Variants in PINLYP observed in about 807,000 individuals in gnomAD.
PINLYP encodes phospholipase A2 inhibitor and LY6/PLAUR domain containing, also known as phospholipase A2 inhibitor and Ly6/PLAUR domain-containing protein.
Under a neutral mutation model 15.8 loss-of-function variants are expected in PINLYP, and 12 were observed. The ratio of observed to expected loss-of-function variants is 0.76; its 90% CI spans 0.49 to 1.23. PINLYP has a LOEUF of 1.23. PINLYP is among the 50% of genes most tolerant of loss of function. The pLI is 0.00. For synonymous variants in PINLYP, 93 were observed against 97.7 expected, an observed-to-expected ratio of 0.95 and a Z score of 0.28; for missense variants, 278 against 264.2, an observed-to-expected ratio of 1.05 and a Z score of -0.36.
intron 3 of PINLYP, chr19:43,580,816 G>A (rs1197710160): frequency 2.4e-5 from 14 of 592,676 alleles, no homozygotes; most frequent in East Asian, 1.3e-4. Context: ...AGACCGCCCC[G>A]GCCGGGCTGG....
upstream of PINLYP, chr19:43,575,531 A>G: frequency 7.6e-6 from 10 of 1,323,240 alleles, no homozygotes; most frequent in Admixed American, 1.8e-5. Flanking sequence ...GGAGAGTGGG[A>G]GGGGGCGGGG....
chr19:43,578,647 T>G (rs7247657), exon 3 of PINLYP: 1 of 1,535,906 alleles, frequency 6.5e-7, no homozygotes, highest in Non-Finnish European at 8.7e-7. Context: ...CATGGCCAAA[T>G]GAAGACCTGC....
chr19:43,581,199 C>T lies in PINLYP; in HGVS notation c.188-13C>T, dbSNP rs1434250933. On this transcript the variant is annotated splice_polypyrimidine_tract_variant and intron_variant, in intron 3 of 5. Coordinates refer to ENST00000599207, the Ensembl canonical transcript of PINLYP. ...GTCAGCCAGCACTGTCCCTGCCTGT[C>T]CCCATCCCACAGAGGGCAAGGAGTT... The T allele has an allele frequency of 2.0e-6, 3 of 1,536,138 alleles. No homozygotes were observed. Among genetic ancestry groups the T allele is most frequent in the Admixed American group, 2.0e-5 (1 of 50,930 alleles).
chr19:43,577,670 AG>A (rs1972883168), intron 2 of PINLYP, among the ~76,000 whole-genome samples: 2 of 152,002 alleles, frequency 1.3e-5, no homozygotes, highest in Non-Finnish European at 1.5e-5. Context: ...TAAGAGGCCG[AG>A]GCAGGTGGAT....
At chr19:43,581,802 G>A in intron 5 of PINLYP, 66 bp from the exon 6 acceptor site, 1 of 1,534,120 alleles carries the variant, frequency 6.5e-7, no homozygotes, top group South Asian at 1.2e-5. Context: ...GGGTGAGGAT[G>A]TGTTCTGGGA....
At chr19:43,578,358 C>T (rs1389613121) in intron 2 of PINLYP, among the ~76,000 whole-genome samples, 1 of 152,198 alleles carries the variant, frequency 6.6e-6, no homozygotes, top group African/African-American at 2.4e-5. Context: ...ATTAGGCAAA[C>T]AGGCTTCATG....
chr19:43,581,496 G>A (rs908049740), intron 4 of PINLYP, 67 bp from the exon 5 acceptor site: 1 of 1,509,802 alleles, frequency 6.6e-7, no homozygotes, highest in South Asian at 1.3e-5. Flanking sequence ...GTTTCCCGGG[G>A]TTGTTGGGAG....
chr19:43,578,544 A>G, intron 2 of PINLYP, 46 bp from the exon 3 acceptor site: 1 of 1,424,526 alleles, frequency 7.0e-7, no homozygotes, highest in East Asian at 2.5e-5. Context: ...TGGTCCGAAG[A>G]CCACACCACC....
chr19:43,576,135 T>C (rs1417498213), exon 1 of PINLYP: 1 of 152,110 alleles, frequency 6.6e-6, no homozygotes, highest in East Asian at 1.9e-4. Context: ...CCCAGACTGG[T>C]CTCGAACTCC....
chr19:43,579,376 G>C (rs1204804389), intron 3 of PINLYP, among the ~76,000 whole-genome samples: 1 of 151,914 alleles, frequency 6.6e-6, no homozygotes, highest in East Asian at 2.0e-4. Flanking sequence ...CTCCCGAGTA[G>C]CTGGAATTAC....
exon 1 of PINLYP, chr19:43,576,752 C>T: frequency 5.5e-6 from 1 of 180,618 alleles, no homozygotes; most frequent in Non-Finnish European, 1.2e-5. Flanking sequence ...CCTGGACATG[C>T]TGGGTGCTCC....
intron 4 of PINLYP, 47 bp downstream of exon 4, chr19:43,581,411 CCTTGCTGTAGCCA>C: frequency 1.3e-6 from 2 of 1,532,780 alleles, no homozygotes; most frequent in South Asian, 2.4e-5. Flanking sequence ...CTCCACTGAC[CCTTGCTGTAGCCA>C]CTTGCTGGCT....
chr19:43,581,270 C>T (rs1166859635), exon 4 of PINLYP: 12 of 1,537,096 alleles, frequency 7.8e-6, no homozygotes, highest in East Asian at 7.3e-5. Context: ...ACTGCTACTC[C>T]GGCGTTATAT....
chr19:43,578,125 C>G (rs1972887558), intron 2 of PINLYP, among the ~76,000 whole-genome samples: 1 of 152,106 alleles, frequency 6.6e-6, no homozygotes, highest in South Asian at 2.1e-4. Context: ...CTGGTCCTCA[C>G]TCTCCCTCCT....
chr19:43,576,865 C>G, exon 1 of PINLYP: 1 of 321,486 alleles, frequency 3.1e-6, no homozygotes, highest in East Asian at 5.8e-5. Context: ...ATCAAGAGGC[C>G]CAACTCCGTC....
intron 1 of PINLYP, 95 bp from the exon 2 acceptor site, chr19:43,577,018 GAT>G: frequency 8.1e-7 from 1 of 1,237,202 alleles, no homozygotes; most frequent in Non-Finnish European, 1.1e-6. Context: ...CTGGGCACAA[GAT>G]GCCCAGGTCA....
At chr19:43,579,006 T>TG (rs1408670894) in intron 3 of PINLYP, 3 of 304,550 alleles carry the variant, frequency 9.9e-6, no homozygotes, top group Non-Finnish European at 1.9e-5. Flanking sequence ...GGAAAGACAC[T>TG]GTGGGGGGCA....
chr19:43,580,343 CGG>C (rs1479809626), intron 3 of PINLYP: 2 of 172,628 alleles, frequency 1.2e-5, no homozygotes, highest in Non-Finnish European at 2.3e-5. Flanking sequence ...GGGGGAAGGC[CGG>C]GGAGACTGGA....
chr19:43,577,403 C>A, intron 2 of PINLYP, 142 bp downstream of exon 2: 1 of 931,722 alleles, frequency 1.1e-6, no homozygotes, highest in Non-Finnish European at 1.5e-6. Context: ...AATTCAGATT[C>A]ATGGAAGAGG....
Sources: allele counts gnomAD v4.1 joint callset (sites outside exome capture counted in the v4.1 genomes callset), GRCh38; gene constraint gnomAD v4.1.1; transcripts MANE v1.5; gene names NCBI Gene and HGNC (gene_info 2026-07-23, HGNC 2026-07-21).